PLA2G7: variants seen among roughly 807,000 people sequenced by gnomAD.
PLA2G7 encodes the protein phospholipase A2 group VII.
A neutral mutation model predicts 49.6 loss-of-function variants in PLA2G7; 63 were observed. The ratio of observed to expected loss-of-function variants is 1.27; its 90% confidence interval spans 1.04 to 1.57. The LOEUF is 1.57. PLA2G7 is among the 40% of genes most tolerant of loss of function. PLA2G7 has a pLI of 0.00. For missense variants in PLA2G7, 596 were observed against 521.2 expected (o/e 1.14, Z -1.40); for synonymous variants, 193 against 169.9 (o/e 1.14, Z -1.06).
chr6:46,716,611 G>T, intron 3 of PLA2G7, 83 bp from the exon 4 acceptor site: 1 of 1,410,696 alleles, frequency 7.1e-7, no homozygotes. Context: ...TTTAATTAGT[G>T]GGGACTCAAA....
rs147252565 is a variant in PLA2G7 at position 46,709,363 on chromosome 6, G to C, written c.833C>G (p.Thr278Arg). ...ATCTTCACTAAGAGTCTGAATAACC[G>C]TTGCTCCACCAAAAGAATGTCCAAT... Reference protein sequence around the residue: ...AVIGHSFGGATVIQTLSEDQR... With the variant: ...AVIGHSFGGARVIQTLSEDQR... Residue 278 changes from threonine (T) to arginine (R), a missense_variant, in exon 9 of 12, where the codon ACG becomes AGG. Thr to Arg is a moderately conservative substitution (Grantham distance 71). Coordinates refer to ENST00000274793, the MANE Select transcript of PLA2G7 (RefSeq NM_005084.4). 6.2e-7 allele frequency: 1 copy of C among 1,607,280 alleles called. No individual in the cohort carries two copies. Among genetic ancestry groups the C allele is most frequent in the East Asian group, 2.2e-5 (1 of 44,682 alleles).
chr6:46,726,583 C>A (rs45609434), intron 1 of PLA2G7, among the ~76,000 whole-genome samples: 5,583 of 152,184 alleles, frequency 0.037, 196 homozygotes, highest in African/African-American at 0.097. Context: ...ATACAGCCGT[C>A]TTCATCATCA....
chr6:46,715,789 G>T (rs1481072427), intron 4 of PLA2G7, among the ~76,000 whole-genome samples: 1 of 152,186 alleles, frequency 6.6e-6, no homozygotes, highest in Non-Finnish European at 1.5e-5. Context: ...AGGGGTAAAT[G>T]TGAAGACACA....
rs1197470653 is a variant in PLA2G7, at chr6:46,734,943, T to C, written c.-35+237A>G. On this transcript the variant is annotated intron_variant, in intron 1 of 11. Coordinates refer to ENST00000274793, the MANE Select transcript of PLA2G7 (RefSeq NM_005084.4). ...GCTCTGAGCTCTTAGGGTTGCTTCC[T>C]TTCGGGAAAAGGTTTGGAAGAACTG... Among the ~76,000 whole-genome samples the C allele has an allele frequency of 1.6e-4, 24 of 152,184 alleles. 1 individual carries two copies. The highest frequency in any genetic ancestry group is 1.6e-3 in the Admixed American group (24 of 15,290).
rs199517554 is a variant in PLA2G7, at chr6:46,704,646, C to A, written c.1240G>T (p.Glu414Ter). 2 of 1,578,614 alleles carry A rather than the reference C, an allele frequency of 1.3e-6. No homozygotes were observed. Among genetic ancestry groups the A allele is most frequent in the Admixed American group, 1.7e-5 (1 of 59,864 alleles). ...QWDCLIEGDD[E>*]NLIPGTNINT... ...ATGTTGGTCCCTGGAATAAGATTCT[C>A]ATCATCTCCTTCAATCAAGCAGTCC... is the stretch of plus-strand genomic sequence containing the variant. The change falls in exon 12 of 12, where the codon GAG becomes TAG. Residue 414 changes from glutamate (E) to a stop codon, truncating the protein, a stop_gained. Transcript: ENST00000274793. LOFTEE classifies it low-confidence loss of function (END_TRUNC).
rs1764732256 is a variant in PLA2G7, at chr6:46,704,555, T to G, written c.*5A>C. The G allele has an allele frequency of 6.4e-7, 1 of 1,565,064 alleles. No individual in the cohort carries two copies. Among genetic ancestry groups the G allele is most frequent in the Non-Finnish European group, 8.8e-7 (1 of 1,136,602 alleles). ...AACAAGACTTTTAAAAAACCTATTT[T>G]AATCCTAATTGTATTTCTCTATTCC... On this transcript the variant is annotated 3_prime_UTR_variant, in exon 12 of 12. Transcript: ENST00000274793.
Position 46,727,221 on chromosome 6 carries a change from C to G in PLA2G7, c.-34-4296G>C, listed in dbSNP as rs77605800. On this transcript the variant is annotated intron_variant, in intron 1 of 11. Coordinates refer to ENST00000274793, the MANE Select transcript of PLA2G7 (RefSeq NM_005084.4). ...ATACACAACCATAACTGCCACAAAT[C>G]CCGATTTCCCCTATTTGTCACTGTT... Among the ~76,000 whole-genome samples, 71 of 152,266 alleles carry G rather than the reference C, an allele frequency of 4.7e-4. No individual in the cohort carries two copies. The East Asian group carries it at 0.013, about 28-fold the overall frequency.
chr6:46,724,373 C>A (rs1411281502), intron 1 of PLA2G7, among the ~76,000 whole-genome samples: 1 of 152,168 alleles, frequency 6.6e-6, no homozygotes, highest in African/African-American at 2.4e-5. Flanking sequence ...TCAGTAAATG[C>A]CTGCTGAGTG....
At chr6:46,730,577 A>G (rs1210044348) in intron 1 of PLA2G7, among the ~76,000 whole-genome samples, 1 of 152,142 alleles carries the variant, frequency 6.6e-6, no homozygotes, top group Non-Finnish European at 1.5e-5. Context: ...TTCTATTTGG[A>G]TGGTGCAAAC....
At chr6:46,708,872 G>C (rs1764915622) in intron 9 of PLA2G7, among the ~76,000 whole-genome samples, 1 of 152,096 alleles carries the variant, frequency 6.6e-6, no homozygotes, top group African/African-American at 2.4e-5. Context: ...CTGCAAGCTA[G>C]AAAACTGGGG....
Position 46,714,523 on chromosome 6 carries a change from G to A in PLA2G7, c.407C>T (p.Ser136Phe). The change falls in exon 5 of 12, where the codon TCC becomes TTC. Residue 136 changes from serine (S) to phenylalanine (F), a missense_variant. Physicochemically the swap from Ser to Phe is radical, Grantham distance 155. Transcript: ENST00000274793. The stretch of plus-strand genomic sequence containing the variant: ...ATATTTTTCACCAGGCCTCAGAGGG[G>A]AATTCCAGTTTGCAGGAGTTGTCAT... ...GSMTTPANWNSPLRPGEKYPL... is the reference protein window; with the variant it reads ...GSMTTPANWNFPLRPGEKYPL... The A allele has an allele frequency of 6.2e-7, 1 of 1,611,756 alleles. No homozygotes were observed. The highest frequency in any genetic ancestry group is 1.1e-5 in the South Asian group (1 of 90,990).
At chr6:46,713,488 G>A (rs1357135201) in intron 5 of PLA2G7, among the ~76,000 whole-genome samples, 2 of 152,166 alleles carry the variant, frequency 1.3e-5, no homozygotes, top group Non-Finnish European at 2.9e-5. Flanking sequence ...ATAGAAATAG[G>A]CAGTGGGCTG....
rs552673209 is a variant in PLA2G7 at position 46,733,818 on chromosome 6, G to A, written c.-35+1362C>T. Among the ~76,000 whole-genome samples the A allele has an allele frequency of 2.6e-5, 4 of 152,306 alleles. No individual in the cohort carries two copies. The South Asian group carries it at 8.3e-4, about 32-fold the overall frequency. ...ATGTAAGCTCAAGGTTTCGTGCTGA[G>A]CCTCTTGGGATTGCCAACACCTCAG... On this transcript the variant is annotated intron_variant, in intron 1 of 11. Coordinates refer to ENST00000274793, the MANE Select transcript of PLA2G7 (RefSeq NM_005084.4).
Position 46,716,973 on chromosome 6 carries a change from A to G in PLA2G7, c.231+2T>C. Reference sequence around the variant, plus strand: ...GATAAGTTGTATAAATCAAAGCATTACCTTATTAGTGTGATCAAACATTAA... The same window carrying G: ...GATAAGTTGTATAAATCAAAGCATTGCCTTATTAGTGTGATCAAACATTAA... On this transcript the variant is annotated splice_donor_variant, in intron 3 of 11. Coordinates refer to ENST00000274793, the MANE Select transcript of PLA2G7 (RefSeq NM_005084.4). LOFTEE classifies it high-confidence loss of function. The G allele has an allele frequency of 6.2e-7, 1 of 1,612,834 alleles. No individual in the cohort carries two copies. The highest frequency in any genetic ancestry group is 8.5e-7 in the Non-Finnish European group (1 of 1,178,798).
intron 7 of PLA2G7, among the ~76,000 whole-genome samples, chr6:46,711,047 A>C (rs888892707): frequency 1.3e-5 from 2 of 152,196 alleles, no homozygotes; most frequent in African/African-American, 4.8e-5. Context: ...CTGTAAGACA[A>C]ATAATGTTTC....
At chr6:46,723,234 C>T (rs1021436952) in intron 1 of PLA2G7, among the ~76,000 whole-genome samples, 3 of 152,112 alleles carry the variant, frequency 2.0e-5, no homozygotes, top group Non-Finnish European at 4.4e-5. Context: ...AAATAGCCAA[C>T]AAAATATAAC....
intron 1 of PLA2G7, among the ~76,000 whole-genome samples, chr6:46,731,908 A>C: frequency 6.6e-6 from 1 of 152,110 alleles, no homozygotes; most frequent in East Asian, 1.9e-4. Flanking sequence ...ATCTACTGCT[A>C]CCACCCCCCA....
At position 46,719,033 on chromosome 6, in the gene PLA2G7, C is replaced by A. The variant is rs570905612; in HGVS notation, c.110-1937G>T. 6.6e-5 allele frequency among the ~76,000 whole-genome samples: 10 copies of A among 152,352 alleles called. No homozygotes were observed. In the South Asian group the frequency reaches 1.2e-3, roughly 19 times the overall value. The stretch of plus-strand genomic sequence containing the variant: ...TCTCTCTGGTGCAATCTTCCACACA[C>A]CAGCAGCTTCATCCGTTCTCCTTTC... On this transcript the variant is annotated intron_variant, in intron 2 of 11. Transcript: ENST00000274793.
intron 1 of PLA2G7, among the ~76,000 whole-genome samples, chr6:46,732,215 T>C (rs1765755361): frequency 6.6e-6 from 1 of 152,114 alleles, no homozygotes; most frequent in Admixed American, 6.5e-5. Context: ...ATCACACCTG[T>C]TCCCAGGAGC....
Sources: gnomAD v4.1 joint callset for allele counts (sites outside exome capture counted in the v4.1 genomes callset) on GRCh38, gnomAD v4.1.1 for gene constraint, MANE v1.5 for transcripts, NCBI Gene and HGNC (gene_info 2026-07-23, HGNC 2026-07-21) for gene names.